MBNL3: variants seen among roughly 807,000 people sequenced by gnomAD.
The protein encoded by MBNL3 is muscleblind like splicing regulator 3, also known as muscleblind-like protein 3.
Under a neutral mutation model 24.5 loss-of-function variants are expected in MBNL3, and 6 were observed. That is an observed-to-expected ratio of 0.25 (90% CI 0.13 to 0.48). MBNL3 has a LOEUF of 0.48. Ranked by LOEUF, MBNL3 falls within the 20% of genes least tolerant of loss-of-function variation. MBNL3 has a pLI of 0.99. For synonymous variants in MBNL3, 100 were observed against 101.7 expected (o/e 0.98, Z 0.10); for missense variants, 230 against 293.5 (o/e 0.78, Z 1.58).
chrX:132,469,634 A>C (rs1947069910), intron 1 of MBNL3, among the ~76,000 whole-genome samples: 1 of 112,399 alleles, frequency 8.9e-6, no homozygotes, highest in Admixed American at 9.4e-5. Flanking sequence ...CTATTGATTA[A>C]GTTTGTAATT....
intron 2 of MBNL3, among the ~76,000 whole-genome samples, chrX:132,415,202 G>A (rs747471860): frequency 3.3e-4 from 37 of 111,896 alleles, no homozygotes; most frequent in African/African-American, 1.0e-3. Flanking sequence ...ACTGAAACCT[G>A]GGAAGTCAGA....
chrX:132,396,679 T>TATATATTCAC lies in MBNL3; in HGVS notation c.343-4346_343-4345insGTGAATATAT, dbSNP rs1939044866. On this transcript the variant is annotated intron_variant, in intron 3 of 8. Coordinates refer to ENST00000370853, the MANE Select transcript of MBNL3 (RefSeq NM_001386889.1). The stretch of plus-strand genomic sequence containing the variant: ...ATATATATTCACATATATATATTCA[T>TATATATTCAC]ATATATATATTCATATATATATTCA... 6.2e-4 allele frequency among the ~76,000 whole-genome samples: 2 copies of TATATATTCAC among 3,251 alleles called. 1 individual carries two copies. Among genetic ancestry groups the TATATATTCAC allele is most frequent in the Non-Finnish European group, 9.9e-4 (2 of 2,027 alleles). 2.8% of individuals were successfully genotyped at this position (3,251 alleles called of 115,157 possible). A position where few individuals can be genotyped will look rare whatever the true frequency, so the allele number is the denominator to read the frequency against.
rs1468444774 is a variant in MBNL3 at position 132,374,484 on chromosome X, C to T, written c.*5182G>A. The stretch of plus-strand genomic sequence containing the variant: ...GACCTGTAGCAAACTAGAAAGCCTC[C>T]GTAACAGCAAAGCAACATTATGCTT... On this transcript the variant is annotated 3_prime_UTR_variant, in exon 9 of 9. Transcript: ENST00000370853. 2 of 111,473 alleles carry T rather than the reference C, an allele frequency of 1.8e-5. No individual in the cohort carries two copies. The highest frequency in any genetic ancestry group is 9.5e-5 in the Admixed American group (1 of 10,481). 9.2% of individuals were successfully genotyped at this position (111,473 alleles called of 1,213,427 possible).
chrX:132,413,416 G>A (rs1325403301), intron 2 of MBNL3: 3 of 972,643 alleles, frequency 3.1e-6, no homozygotes, highest in Non-Finnish European at 4.3e-6. Context: ...CTCCCGCTCT[G>A]TTCTTCTGCC....
intron 2 of MBNL3, among the ~76,000 whole-genome samples, chrX:132,414,436 C>T (rs970069842): frequency 9.0e-6 from 1 of 111,629 alleles, no homozygotes; most frequent in African/African-American, 3.3e-5. Flanking sequence ...TCATTTAGTC[C>T]AGCATTTGCC....
intron 1 of MBNL3, among the ~76,000 whole-genome samples, chrX:132,465,545 C>T (rs867042913): frequency 6.8e-4 from 76 of 112,244 alleles, no homozygotes; most frequent in Non-Finnish European, 1.2e-3. Context: ...ACTGGTAAAT[C>T]GAACCTTAAA....
At chrX:132,470,203 A>C (rs956469687) in intron 1 of MBNL3, among the ~76,000 whole-genome samples, 5 of 111,616 alleles carry the variant, frequency 4.5e-5, no homozygotes, top group Non-Finnish European at 7.5e-5. Context: ...AAGGACATCT[A>C]AGGCAATAAA....
chrX:132,415,226 TCTC>T (rs1371611875), intron 2 of MBNL3, among the ~76,000 whole-genome samples: 1 of 112,107 alleles, frequency 8.9e-6, no homozygotes, highest in Non-Finnish European at 1.9e-5. Flanking sequence ...TATTGGGCAA[TCTC>T]CTCAATTCCA....
intron 1 of MBNL3, among the ~76,000 whole-genome samples, chrX:132,451,398 G>C (rs929073650): frequency 8.9e-6 from 1 of 111,798 alleles, no homozygotes; most frequent in Non-Finnish European, 1.9e-5. Flanking sequence ...AGGCAGCCTG[G>C]GTACAGTGGC....
intron 2 of MBNL3, among the ~76,000 whole-genome samples, chrX:132,423,619 T>G (rs1179836158): frequency 8.9e-6 from 1 of 112,050 alleles, no homozygotes; most frequent in African/African-American, 3.2e-5. Context: ...AGTTGCACCC[T>G]GCAGCGAGGA....
chrX:132,427,980 C>A (rs768005265), intron 2 of MBNL3, among the ~76,000 whole-genome samples: 1 of 111,108 alleles, frequency 9.0e-6, no homozygotes, highest in African/African-American at 3.3e-5. Context: ...TGTCCACTAT[C>A]TACTCATAAG....
At chrX:132,428,201 A>C (rs773123725) in intron 2 of MBNL3, among the ~76,000 whole-genome samples, 3 of 111,872 alleles carry the variant, frequency 2.7e-5, no homozygotes, top group African/African-American at 9.7e-5. Flanking sequence ...ATAACATATT[A>C]GACATGACAT....
rs1166487812 is a variant in MBNL3 at position 132,370,033 on chromosome X, C to A, written c.*9633G>T. ...CACAAAGCTATTTCCTGGTGGCTGC[C>A]CTTTGTATCCAAAATCCTCTGTTTG... On this transcript the variant is annotated 3_prime_UTR_variant, in exon 9 of 9. Transcript: ENST00000370853. 8.9e-6 allele frequency: 1 copy of A among 111,888 alleles called. No individual in the cohort carries two copies. The highest frequency in any genetic ancestry group is 3.3e-5 in the African/African-American group (1 of 30,720). The allele number at this position is 111,888 out of a possible 1,213,427, so 9.2% of individuals were successfully genotyped here.
At chrX:132,467,866 G>A (rs149596722) in intron 1 of MBNL3, among the ~76,000 whole-genome samples, 1 of 112,238 alleles carries the variant, frequency 8.9e-6, no homozygotes, top group Non-Finnish European at 1.9e-5. Context: ...AAAGATGAAA[G>A]GTTATTAGTA....
chrX:132,396,995 T>A (rs1297153180), intron 3 of MBNL3, among the ~76,000 whole-genome samples: 5 of 92,300 alleles, frequency 5.4e-5, no homozygotes, highest in African/African-American at 2.0e-4. Context: ...TATATGTATA[T>A]GAATTTAGTA....
intron 3 of MBNL3, among the ~76,000 whole-genome samples, chrX:132,393,600 A>G (rs1937527456): frequency 9.0e-6 from 1 of 111,339 alleles, no homozygotes; most frequent in South Asian, 3.8e-4. Context: ...ACACTTAGTG[A>G]ATGACTGGTT....
intron 3 of MBNL3, among the ~76,000 whole-genome samples, chrX:132,405,894 A>AG (rs1941734295): frequency 9.2e-6 from 1 of 108,495 alleles, no homozygotes; most frequent in Admixed American, 9.9e-5. Context: ...AAAAAAAAAA[A>AG]AAAAAAAAAG....
rs1461864598 is a variant in MBNL3 at position 132,439,662 on chromosome X, G to A, written c.-51C>T. ...GTACCCTCTTTAGGACAATATTACT[G>A]TGGACTATTAAAGGATTAAAAATGA... is the stretch of plus-strand genomic sequence containing the variant. On this transcript the variant is annotated 5_prime_UTR_variant, in exon 2 of 9. Transcript: ENST00000370853. 1.8e-6 allele frequency: 2 copies of A among 1,116,925 alleles called. No individual in the cohort carries two copies. Among genetic ancestry groups the A allele is most frequent in the African/African-American group, 3.7e-5 (2 of 53,549 alleles). The allele number at this position is 1,116,925 out of a possible 1,213,427, so 92.0% of individuals were successfully genotyped here.
At chrX:132,402,397 C>A (rs918716387) in intron 3 of MBNL3, among the ~76,000 whole-genome samples, 2 of 111,933 alleles carry the variant, frequency 1.8e-5, no homozygotes, top group Non-Finnish European at 1.9e-5. Context: ...TAGGGAGAAT[C>A]TTTCCTCATA....
Sources: gnomAD v4.1 joint callset for allele counts (sites outside exome capture counted in the v4.1 genomes callset) on GRCh38, gnomAD v4.1.1 for gene constraint, MANE v1.5 for transcripts, NCBI Gene and HGNC (gene_info 2026-07-23, HGNC 2026-07-21) for gene names.